CD44: variants seen among roughly 807,000 people sequenced by gnomAD.
CD44 encodes CD44 molecule (IN blood group).
Under a neutral mutation model 88.8 loss-of-function variants are expected in CD44, and 49 were observed. The ratio of observed to expected loss-of-function variants is 0.55; its 90% CI spans 0.44 to 0.70. The LOEUF is 0.70. Ranked by LOEUF, CD44 falls within the 30% of genes least tolerant of loss-of-function variation. CD44 has a pLI of 0.00. For missense variants in CD44, 883 were observed against 913.8 expected, an observed-to-expected ratio of 0.97 and a Z score of 0.43; for synonymous variants, 325 against 312.3, an observed-to-expected ratio of 1.04 and a Z score of -0.43.
chr11:35,201,254 C>T (rs1947294544), intron 8 of CD44, 59 bp downstream of exon 8: 1 of 1,180,716 alleles, frequency 8.5e-7, no homozygotes, highest in African/African-American at 1.5e-5. Flanking sequence ...CATGATGCTG[C>T]AAAGGTCAAT....
chr11:35,223,066 T>C, intron 17 of CD44: 2 of 985,410 alleles, frequency 2.0e-6, no homozygotes, highest in Non-Finnish European at 2.4e-6. Context: ...AGTGCCATGT[T>C]ACAGTCAAAC....
At chr11:35,191,126 C>T (rs1036538900) in intron 5 of CD44, among the ~76,000 whole-genome samples, 1 of 152,208 alleles carries the variant, frequency 6.6e-6, no homozygotes, top group South Asian at 2.1e-4. Flanking sequence ...CTGGCTATAG[C>T]TCCTGAGGGG....
chr11:35,181,395 T>C (rs975682433), intron 3 of CD44, among the ~76,000 whole-genome samples: 2 of 152,110 alleles, frequency 1.3e-5, no homozygotes, highest in Non-Finnish European at 2.9e-5. Context: ...AAGAATTCTA[T>C]GCATCATGAA....
At chr11:35,144,256 A>C (rs537764383) in intron 1 of CD44, among the ~76,000 whole-genome samples, 1 of 152,160 alleles carries the variant, frequency 6.6e-6, no homozygotes, top group East Asian at 1.9e-4. Flanking sequence ...CTTCCCCGGC[A>C]CCTTCGCTTT....
chr11:35,201,211 T>C lies in CD44; in HGVS notation c.1036+16T>C, dbSNP rs1363879037. On this transcript the variant is annotated intron_variant, in intron 8 of 17. Coordinates refer to ENST00000428726, the MANE Select transcript of CD44 (RefSeq NM_000610.4). ...AGGATGACTGGTAATGGGTTCTGCA[T>C]ATTTAATGAAAGATTTTTTTCCCCT... is the stretch of plus-strand genomic sequence containing the variant. 1.3e-6 allele frequency: 2 copies of C among 1,551,412 alleles called. No individual in the cohort carries two copies.
At position 35,198,178 on chromosome 11, in the gene CD44, A is replaced by G. The variant is rs1455792050; in HGVS notation, c.854A>G (p.Glu285Gly). ...GWEPNEENED[E>G]RDRHLSFSGS... Reference sequence around the variant, plus strand: ...GAGCCAAATGAAGAAAATGAAGATGAAAGAGACAGACACCTCAGTTTTTCT... The same window carrying G: ...GAGCCAAATGAAGAAAATGAAGATGGAAGAGACAGACACCTCAGTTTTTCT... Residue 285 changes from glutamate to glycine, a missense_variant, in exon 7 of 18, where the codon GAA becomes GGA. Coordinates refer to ENST00000428726, the MANE Select transcript of CD44 (RefSeq NM_000610.4). 4 of 1,613,928 alleles carry G rather than the reference A, an allele frequency of 2.5e-6. No homozygotes were observed. Among genetic ancestry groups the G allele is most frequent in the Non-Finnish European group, 3.4e-6 (4 of 1,179,888 alleles).
In CD44 at chr11:35,139,220, C is replaced by T. The variant is rs1358492683; in HGVS notation, c.-84C>T. ...TCTGCCAGGTTCGGTCCGCCATCCT[C>T]GTCCCGTCCTCCGCCGGCCCCTGCC... is the stretch of plus-strand genomic sequence containing the variant. On this transcript the variant is annotated 5_prime_UTR_variant, in exon 1 of 18. Transcript: ENST00000428726. 24 of 1,096,826 alleles carry T rather than the reference C, an allele frequency of 2.2e-5. No individual in the cohort carries two copies. The highest frequency in any genetic ancestry group is 8.1e-5 in the South Asian group (6 of 73,712). The allele number at this position is 1,096,826 out of a possible 1,614,324, so 67.9% of individuals were successfully genotyped here.
intron 1 of CD44, among the ~76,000 whole-genome samples, chr11:35,158,814 T>C (rs1942236177): frequency 6.6e-6 from 1 of 152,226 alleles, no homozygotes; most frequent in Non-Finnish European, 1.5e-5. Flanking sequence ...CAGCATGGAA[T>C]GTTCCGGGAA....
At chr11:35,163,955 A>G (rs1164183167) in intron 1 of CD44, among the ~76,000 whole-genome samples, 1 of 152,014 alleles carries the variant, frequency 6.6e-6, no homozygotes, top group African/African-American at 2.4e-5. Flanking sequence ...ATCAAGTTTC[A>G]ATGATCGCAA....
In CD44 at chr11:35,229,414, T is replaced by C. The variant is rs1949951750; in HGVS notation, c.*81T>C. 4 of 809,234 alleles carry C rather than the reference T, an allele frequency of 4.9e-6. No homozygotes were observed. The South Asian group carries it at 5.1e-5, about 10-fold the overall frequency. The allele number at this position is 809,234 out of a possible 1,614,324, so 50.1% of individuals were successfully genotyped here. On this transcript the variant is annotated 3_prime_UTR_variant, in exon 18 of 18. Coordinates refer to ENST00000428726, the MANE Select transcript of CD44 (RefSeq NM_000610.4). ...GAGCTGGGACACTTAACAGATGCAA[T>C]GTGCTACTGATTGTTTCATTGCGAA...
chr11:35,196,185 T>C (rs1223718131), intron 5 of CD44, among the ~76,000 whole-genome samples: 1 of 152,216 alleles, frequency 6.6e-6, no homozygotes, highest in Non-Finnish European at 1.5e-5. Flanking sequence ...ATTTAATCTC[T>C]TACACAACTT....
At chr11:35,181,873 ATT>A (rs1491441612) in intron 3 of CD44, among the ~76,000 whole-genome samples, 10 of 80,126 alleles carry the variant, frequency 1.2e-4, no homozygotes, top group Admixed American at 3.8e-4. Context: ...ATATATATAT[ATT>A]ATATATAATT....
intron 1 of CD44, among the ~76,000 whole-genome samples, chr11:35,154,578 CTA>C (rs1372346813): frequency 6.6e-6 from 1 of 152,202 alleles, no homozygotes; most frequent in Admixed American, 6.5e-5. Context: ...TTGTAAACAA[CTA>C]TGTCTTGTAA....
chr11:35,164,262 GGGT>G lies in CD44; in HGVS notation c.68-12312_68-12310del, dbSNP rs796359977. ...ATGTCAGAAACCAAGTGTTATCCTG[GGGT>G]TTGACTCCTGGCTCTTGCCACATTC... is the stretch of plus-strand genomic sequence containing the variant. On this transcript the variant is annotated intron_variant, in intron 1 of 17. Coordinates refer to ENST00000428726, the MANE Select transcript of CD44 (RefSeq NM_000610.4). 8.6e-3 allele frequency among the ~76,000 whole-genome samples: 1,312 copies of G among 152,150 alleles called. 16 individuals carry two copies. Among genetic ancestry groups the G allele is most frequent in the African/African-American group, 0.03 (1,245 of 41,508 alleles).
At chr11:35,149,409 C>T (rs958615635) in intron 1 of CD44, among the ~76,000 whole-genome samples, 2 of 152,220 alleles carry the variant, frequency 1.3e-5, no homozygotes, top group South Asian at 4.1e-4. Flanking sequence ...GTTGATTCCC[C>T]TCTTGCCACT....
rs1165822621 is a variant in CD44, at chr11:35,232,057, G to C, written c.*2724G>C. The C allele has an allele frequency of 6.6e-6, 1 of 152,156 alleles. No homozygotes were observed. The highest frequency in any genetic ancestry group is 1.5e-5 in the Non-Finnish European group (1 of 68,034). The allele number at this position is 152,156 out of a possible 1,614,324, so 9.4% of individuals were successfully genotyped here. A position where few individuals can be genotyped will look rare whatever the true frequency, so the allele number is the denominator to read the frequency against. On this transcript the variant is annotated 3_prime_UTR_variant, in exon 18 of 18. Coordinates refer to ENST00000428726, the MANE Select transcript of CD44 (RefSeq NM_000610.4). ...TTGTAGCCAACATTCATTCAATACT[G>C]TTATATCAGAGGAGTAGGAGAGAGG...
chr11:35,228,662 C>A (rs537009826), intron 17 of CD44, among the ~76,000 whole-genome samples: 22 of 152,298 alleles, frequency 1.4e-4, no homozygotes, highest in African/African-American at 5.3e-4. Context: ...ACTGAATTTT[C>A]TGATCCCCAA....
intron 10 of CD44, chr11:35,205,052 C>A (rs2134097736): frequency 6.3e-6 from 1 of 159,742 alleles, no homozygotes; most frequent in African/African-American, 2.4e-5. Context: ...GTCAGAACTC[C>A]AGTGTTTGAA....
intron 4 of CD44, among the ~76,000 whole-genome samples, chr11:35,187,851 T>C (rs1210849614): frequency 2.6e-5 from 4 of 152,188 alleles, no homozygotes; most frequent in African/African-American, 4.8e-5. Context: ...TATATGATTA[T>C]CCACAGATGT....
Sources: allele counts gnomAD v4.1 joint callset (sites outside exome capture counted in the v4.1 genomes callset), GRCh38; gene constraint gnomAD v4.1.1; transcripts MANE v1.5; gene names NCBI Gene and HGNC (gene_info 2026-07-23, HGNC 2026-07-21).